The following PCDHA2 variants were observed in gnomAD, a reference collection of about 807,000 sequenced individuals.
PCDHA2 encodes the protein protocadherin alpha 2.
PCDHA2 carries 58 observed loss-of-function variants against 66.0 expected under a neutral mutation model. The ratio of observed to expected loss-of-function variants is 0.88; its 90% CI spans 0.71 to 1.09. The LOEUF (loss-of-function observed/expected upper bound fraction) is 1.09. Among genes scored for constraint, PCDHA2 ranks in the 50% least tolerant of loss-of-function variants. The pLI is 0.00. For missense variants in PCDHA2, 1,267 were observed against 1,242.3 expected, an observed-to-expected ratio of 1.02 and a Z score of -0.30; for synonymous variants, 634 against 554.0, an observed-to-expected ratio of 1.14 and a Z score of -2.03.
chr5:140,920,841 T>TAAAAAAAA (rs781921146), intron 1 of PCDHA2, among the ~76,000 whole-genome samples: 2 of 109,228 alleles, frequency 1.8e-5, no homozygotes, highest in Non-Finnish European at 1.9e-5. Context: ...AGACCAAATC[T>TAAAAAAAA]AAAAAAAAAA....
Position 140,836,196 on chromosome 5 carries a change from G to C in PCDHA2, c.2388+38844G>C. The C allele has an allele frequency of 6.2e-6, 10 of 1,613,832 alleles. 1 individual carries two copies. The highest frequency in any genetic ancestry group is 8.5e-6 in the Non-Finnish European group (10 of 1,179,816). On this transcript the variant is annotated intron_variant, in intron 1 of 3. Transcript: ENST00000526136. ...AGTTGACGCTGACTCAGGCTACAAC[G>C]CGTGGCTTTCGTATGAGTTGCAACC...
At chr5:141,004,580 A>T (rs782539696) in intron 3 of PCDHA2, among the ~76,000 whole-genome samples, 1 of 152,222 alleles carries the variant, frequency 6.6e-6, no homozygotes, top group Non-Finnish European at 1.5e-5. Context: ...TGTGTTCTGC[A>T]TCTCCAGATG....
intron 1 of PCDHA2, among the ~76,000 whole-genome samples, chr5:140,952,530 A>T (rs246033): frequency 6.6e-6 from 1 of 151,882 alleles, no homozygotes; most frequent in Non-Finnish European, 1.5e-5. Context: ...ACCTCCTCAG[A>T]CTGGACTTCT....
At chr5:140,849,851 A>C (rs148732691) in intron 1 of PCDHA2, 9 of 1,598,252 alleles carry the variant, frequency 5.6e-6, no homozygotes, top group East Asian at 4.5e-5. Context: ...ACGACAACGC[A>C]CCAGCGTTCG....
rs1554262683 is a variant in PCDHA2 at position 141,010,108 on chromosome 5, G to A, written c.*171G>A. 23 of 1,611,296 alleles carry A rather than the reference G, an allele frequency of 1.4e-5. No homozygotes were observed. Among genetic ancestry groups the A allele is most frequent in the East Asian group, 4.5e-5 (2 of 44,852 alleles). On this transcript the variant is annotated 3_prime_UTR_variant, in exon 4 of 4. Transcript: ENST00000526136. ...TAGAACGCATTTAACAGGTTTTGTC[G>A]TAAAAGCTTTACTAAGTCTGGTGTT...
intron 1 of PCDHA2, among the ~76,000 whole-genome samples, chr5:140,912,895 A>G (rs781884731): frequency 4.6e-5 from 7 of 152,212 alleles, no homozygotes; most frequent in Non-Finnish European, 1.0e-4. Context: ...TGTTGATATG[A>G]TGTATCATAT....
intron 3 of PCDHA2, among the ~76,000 whole-genome samples, chr5:140,993,088 CTA>C (rs1420227988): frequency 6.6e-6 from 1 of 152,202 alleles, no homozygotes; most frequent in Non-Finnish European, 1.5e-5. Flanking sequence ...ATCAGCAGGG[CTA>C]TGTTTATTCA....
At chr5:140,984,612 G>T (rs2097111075) in intron 3 of PCDHA2, among the ~76,000 whole-genome samples, 1 of 152,026 alleles carries the variant, frequency 6.6e-6, no homozygotes, top group Admixed American at 6.6e-5. Flanking sequence ...CTGCATCAGT[G>T]GTGTAAAGTT....
intron 1 of PCDHA2, chr5:140,883,896 C>G (rs199847007): frequency 6.2e-7 from 1 of 1,613,386 alleles, no homozygotes; most frequent in African/African-American, 1.3e-5. Context: ...TCTGGCGTGC[C>G]GCCTCTGGGC....
chr5:140,993,372 A>T (rs2097552472), intron 3 of PCDHA2, among the ~76,000 whole-genome samples: 1 of 151,976 alleles, frequency 6.6e-6, no homozygotes, highest in South Asian at 2.1e-4. Context: ...ACTACCTCCC[A>T]GCCGGGTCCC....
chr5:140,869,431 G>T lies in PCDHA2; in HGVS notation c.2388+72079G>T, dbSNP rs782430805. ...GTGCAGCATCCACCTGGAGGTGATC[G>T]TGGACAGGCCGCTGCAGGTTTTCCA... is the stretch of plus-strand genomic sequence containing the variant. On this transcript the variant is annotated intron_variant, in intron 1 of 3. Transcript: ENST00000526136. The T allele has an allele frequency of 3.7e-6, 6 of 1,614,204 alleles. No individual in the cohort carries two copies. In the South Asian group the frequency reaches 5.5e-5, roughly 15 times the overall value.
At chr5:140,816,521 G>C (rs1433290964) in intron 1 of PCDHA2, 2 of 151,904 alleles carry the variant, frequency 1.3e-5, no homozygotes, top group Admixed American at 1.3e-4. Context: ...GTGTGTGTGT[G>C]TGTGTGTGTG....
intron 2 of PCDHA2, 141 bp downstream of exon 2, chr5:140,979,148 C>G: frequency 6.9e-7 from 1 of 1,441,158 alleles, no homozygotes; most frequent in South Asian, 1.5e-5. Context: ...TTATTTTGTC[C>G]CCATGTTTAT....
Position 141,005,651 on chromosome 5 carries a change from G to A in PCDHA2, c.2537-3976G>A, listed in dbSNP as rs1554260215. ...CGGGAGGCGGAGCTTGCAGTGAGTC[G>A]AGATCGCGCCACTGCACTCCAGCCT... On this transcript the variant is annotated intron_variant, in intron 3 of 3. Coordinates refer to ENST00000526136, the MANE Select transcript of PCDHA2 (RefSeq NM_018905.3). Among the ~76,000 whole-genome samples, 4 of 131,238 alleles carry A rather than the reference G, an allele frequency of 3.0e-5. No homozygotes were observed. In the East Asian group the frequency reaches 7.0e-4, roughly 23 times the overall value. The allele number at this position is 131,238 out of a possible 152,430, so 86.1% of individuals were successfully genotyped here.
At chr5:140,861,726 T>C (rs571512824) in intron 1 of PCDHA2, 11 of 216,910 alleles carry the variant, frequency 5.1e-5, no homozygotes, top group African/African-American at 2.6e-4. Flanking sequence ...AATGCTCTGA[T>C]GACTTACATA....
At chr5:140,888,956 G>T (rs1043287613) in intron 1 of PCDHA2, among the ~76,000 whole-genome samples, 2 of 151,722 alleles carry the variant, frequency 1.3e-5, no homozygotes, top group Non-Finnish European at 2.9e-5. Flanking sequence ...TTTTTCTTTG[G>T]CAATGTTAAT....
At position 140,957,153 on chromosome 5, in the gene PCDHA2, A is replaced by G. The variant is rs988889035; in HGVS notation, c.2389-21796A>G. Among the ~76,000 whole-genome samples, 121 of 152,268 alleles carry G rather than the reference A, an allele frequency of 7.9e-4. 1 individual carries two copies. Among genetic ancestry groups the G allele is most frequent in the East Asian group, 3.9e-4 (2 of 5,186 alleles). On this transcript the variant is annotated intron_variant, in intron 1 of 3. Transcript: ENST00000526136. Reference sequence around the variant, plus strand: ...ACACTATGAACTAAAAATTTTGGAGACAAATCTAAGTATATAAATTGGTTT... The same window carrying G: ...ACACTATGAACTAAAAATTTTGGAGGCAAATCTAAGTATATAAATTGGTTT...
intron 1 of PCDHA2, chr5:140,804,690 C>A (rs1554123122): frequency 6.1e-6 from 1 of 163,732 alleles, no homozygotes; most frequent in Non-Finnish European, 1.3e-5. Context: ...ATAACCAGAA[C>A]CAAATGAAAT....
intron 1 of PCDHA2, chr5:140,858,447 A>G (rs1554151639): frequency 6.5e-7 from 1 of 1,533,388 alleles, no homozygotes; most frequent in Admixed American, 2.0e-5. Flanking sequence ...GTGGGTTATT[A>G]CGTTTTCATT....
Sources: gnomAD v4.1 joint callset for allele counts (sites outside exome capture counted in the v4.1 genomes callset) on GRCh38, gnomAD v4.1.1 for gene constraint, MANE v1.5 for transcripts, NCBI Gene and HGNC (gene_info 2026-07-23, HGNC 2026-07-21) for gene names.